ERBIN: variants seen among roughly 807,000 people sequenced by gnomAD.
The protein encoded by ERBIN is densin-180-like protein.
A neutral mutation model predicts 158.4 loss-of-function variants in ERBIN; 60 were observed. The ratio of observed to expected loss-of-function variants is 0.38; its 90% CI spans 0.31 to 0.47. The LOEUF is 0.47. Ranked by LOEUF, ERBIN falls within the 20% of genes least tolerant of loss-of-function variation. The pLI, the probability that ERBIN is intolerant of heterozygous loss-of-function variation, is 0.99. For missense variants in ERBIN, 1,610 were observed against 1,648.0 expected (o/e 0.98, Z 0.40); for synonymous variants, 594 against 557.2 (o/e 1.07, Z -0.93).
chr5:65,953,987 T>C (rs1301050439), intron 1 of ERBIN, among the ~76,000 whole-genome samples: 1 of 152,078 alleles, frequency 6.6e-6, no homozygotes, highest in Non-Finnish European at 1.5e-5. Context: ...AGAATGTTGG[T>C]TTCCCTACAC....
chr5:65,996,959 T>C (rs1429065384), intron 4 of ERBIN, among the ~76,000 whole-genome samples: 3 of 152,306 alleles, frequency 2.0e-5, no homozygotes, highest in African/African-American at 7.2e-5. Flanking sequence ...ATGCTACTGA[T>C]TTTTGTATGT....
intron 1 of ERBIN, among the ~76,000 whole-genome samples, chr5:65,959,404 C>A (rs951118313): frequency 2.0e-5 from 3 of 152,018 alleles, no homozygotes; most frequent in Admixed American, 6.6e-5. Flanking sequence ...CTTTTAAAAA[C>A]ACAGTTGATA....
intron 1 of ERBIN, among the ~76,000 whole-genome samples, chr5:65,938,344 G>A (rs1274722214): frequency 6.7e-6 from 1 of 148,812 alleles, no homozygotes; most frequent in Non-Finnish European, 1.5e-5. Context: ...TGGGTGTATA[G>A]TAATAGATTC....
rs1410592734 is a variant in ERBIN at position 66,072,250 on chromosome 5, A to G, written c.3715A>G (p.Thr1239Ala). Residue 1239 changes from threonine to alanine, a missense_variant, in exon 22 of 26, where the codon ACA (threonine) becomes GCA (alanine). By Grantham distance (58) the Thr-to-Ala change is moderately conservative. Transcript: ENST00000284037. ...ISGQQNYSSA[T>A]LSHKDVPPDS... is the part of the protein sequence containing the mutation. Reference sequence around the variant, plus strand: ...AGGACAGCAGAACTACTCATCAGCCACACTTAGTCACAAAGATGTTCCTCC... The same window carrying G: ...AGGACAGCAGAACTACTCATCAGCCGCACTTAGTCACAAAGATGTTCCTCC... The G allele has an allele frequency of 6.5e-7, 1 of 1,550,338 alleles. No homozygotes were observed. The highest frequency in any genetic ancestry group is 8.7e-7 in the Non-Finnish European group (1 of 1,146,928).
At chr5:66,062,105 G>C (rs905268505) in intron 21 of ERBIN, among the ~76,000 whole-genome samples, 5 of 151,672 alleles carry the variant, frequency 3.3e-5, no homozygotes, top group African/African-American at 1.2e-4. Context: ...TGCTAGATTT[G>C]GTTAGTTCTC....
At chr5:65,990,691 C>T (rs1047800445) in intron 2 of ERBIN, among the ~76,000 whole-genome samples, 3 of 150,804 alleles carry the variant, frequency 2.0e-5, no homozygotes, top group Non-Finnish European at 3.0e-5. Context: ...AAATGAGAGT[C>T]TGCATGTAGT....
At chr5:65,946,366 A>AAATG (rs199983927) in intron 1 of ERBIN, among the ~76,000 whole-genome samples, 5,327 of 152,086 alleles carry the variant, frequency 0.035, 321 homozygotes, top group African/African-American at 0.12. Flanking sequence ...TCAGTCTCAT[A>AAATG]AATGAATGAA....
At chr5:65,929,398 G>T (rs185819751) in intron 1 of ERBIN, among the ~76,000 whole-genome samples, 1 of 152,312 alleles carries the variant, frequency 6.6e-6, no homozygotes, top group Admixed American at 6.5e-5. Flanking sequence ...GATTATGGCA[G>T]TACTTACAGA....
chr5:66,018,632 TTTTTTA>T (rs1021427030), intron 7 of ERBIN, among the ~76,000 whole-genome samples: 1 of 109,872 alleles, frequency 9.1e-6, no homozygotes, highest in African/African-American at 3.1e-5. Flanking sequence ...ATATAGATTT[TTTTTTA>T]TTTATTTTTT....
At chr5:66,061,725 T>G (rs559771934) in intron 21 of ERBIN, among the ~76,000 whole-genome samples, 6 of 152,322 alleles carry the variant, frequency 3.9e-5, no homozygotes, top group African/African-American at 1.4e-4. Context: ...AGGAGCTCTT[T>G]TAGGGCAGGC....
chr5:65,952,499 A>T (rs1746632133), intron 1 of ERBIN, among the ~76,000 whole-genome samples: 1 of 152,030 alleles, frequency 6.6e-6, no homozygotes, highest in Non-Finnish European at 1.5e-5. Flanking sequence ...AGCTGTGATT[A>T]TAATGAGACC....
At chr5:65,990,575 G>A (rs1449521019) in intron 2 of ERBIN, among the ~76,000 whole-genome samples, 1 of 151,692 alleles carries the variant, frequency 6.6e-6, no homozygotes, top group Non-Finnish European at 1.5e-5. Flanking sequence ...GGAGAATGGC[G>A]TGAACCCGGG....
At chr5:66,071,243 A>G (rs1007466857) in intron 21 of ERBIN, among the ~76,000 whole-genome samples, 4 of 152,160 alleles carry the variant, frequency 2.6e-5, no homozygotes, top group Admixed American at 1.3e-4. Context: ...TGACACCACA[A>G]CTGTTATCCC....
chr5:65,976,765 T>C lies in ERBIN; in HGVS notation c.-57-11870T>C, dbSNP rs957516851. On this transcript the variant is annotated intron_variant, in intron 1 of 25. Transcript: ENST00000284037. ...AGCATCTGTTTAACAAAGCACATCT[T>C]GCACCGCCCTTAATCCATTCAACCC... 7.2e-5 allele frequency among the ~76,000 whole-genome samples: 11 copies of C among 151,742 alleles called. 1 individual carries two copies. Among genetic ancestry groups the C allele is most frequent in the African/African-American group, 2.7e-4 (11 of 41,266 alleles).
chr5:66,074,115 C>T (rs1426528677), intron 22 of ERBIN, among the ~76,000 whole-genome samples: 1 of 143,186 alleles, frequency 7.0e-6, no homozygotes, highest in African/African-American at 2.6e-5. Flanking sequence ...ATCTTGAACT[C>T]CTGGCCTGAA....
intron 1 of ERBIN, among the ~76,000 whole-genome samples, chr5:65,960,304 A>G (rs142482656): frequency 1.3e-5 from 2 of 152,338 alleles, no homozygotes; most frequent in Non-Finnish European, 2.9e-5. Context: ...CTATAGCATT[A>G]GAAATATGAG....
At chr5:65,982,980 A>G (rs990627627) in intron 1 of ERBIN, among the ~76,000 whole-genome samples, 2 of 152,206 alleles carry the variant, frequency 1.3e-5, no homozygotes, top group Admixed American at 6.5e-5. Context: ...CCTGCTGGTT[A>G]TATGATTGTA....
In ERBIN at chr5:65,992,776, G is replaced by C; in HGVS notation, c.58G>C (p.Glu20Gln). ...GGTACCATGTCGCTGTCTACGAGGG[G>C]AAGAGGAGACTGTCACTACTCTTGA... is the stretch of plus-strand genomic sequence containing the variant. The part of the protein sequence containing the change: ...RLVPCRCLRG[E>Q]EETVTTLDYS... The change falls in exon 3 of 26, where the codon GAA becomes CAA. Residue 20 changes from glutamate to glutamine, a missense_variant. Physicochemically the swap from Glu to Gln is conservative, Grantham distance 29. This residue lies in a region of ERBIN where 596 missense variants were observed against 711.9 expected (regional missense o/e 0.84). Transcript: ENST00000284037. 6.2e-7 allele frequency: 1 copy of C among 1,613,710 alleles called. No individual in the cohort carries two copies. Among genetic ancestry groups the C allele is most frequent in the Non-Finnish European group, 8.5e-7 (1 of 1,179,798 alleles).
chr5:66,059,155 C>G (rs559429920), intron 21 of ERBIN, among the ~76,000 whole-genome samples: 2 of 152,304 alleles, frequency 1.3e-5, no homozygotes, highest in South Asian at 2.1e-4. Flanking sequence ...GATATTGATT[C>G]TTCCTACCCA....
Sources: allele counts gnomAD v4.1 joint callset (sites outside exome capture counted in the v4.1 genomes callset), GRCh38; gene constraint gnomAD v4.1.1; regional missense constraint gnomAD v4.1.1; transcripts MANE v1.5; gene names NCBI Gene and HGNC (gene_info 2026-07-23, HGNC 2026-07-21).